The following PRELID2 variants were observed in gnomAD, a reference collection of about 807,000 sequenced individuals.
PRELID2 encodes the protein PRELI domain containing 2.
Under a neutral mutation model 28.4 loss-of-function variants are expected in PRELID2, and 25 were observed. The observed-to-expected ratio is 0.88, with a 90% CI of 0.64 to 1.23. The LOEUF (loss-of-function observed/expected upper bound fraction) is 1.23. Ranked by LOEUF, PRELID2 falls within the 50% of genes most tolerant of loss-of-function variation. PRELID2 has a pLI of 0.00. For missense variants in PRELID2, 201 were observed against 214.4 expected (o/e 0.94, Z 0.39); for synonymous variants, 76 against 71.6 (o/e 1.06, Z -0.31).
intron 1 of PRELID2, among the ~76,000 whole-genome samples, chr5:145,657,071 G>T (rs1754408570): frequency 6.6e-6 from 1 of 151,984 alleles, no homozygotes; most frequent in Admixed American, 6.6e-5. Context: ...ATAATTTGTA[G>T]AAATAAGAAA....
intron 1 of PRELID2, among the ~76,000 whole-genome samples, chr5:145,514,779 A>G (rs1329480326): frequency 6.6e-6 from 1 of 151,428 alleles, no homozygotes; most frequent in East Asian, 1.9e-4. Flanking sequence ...GCAAAAAAAA[A>G]GAAAGAAAAG....
rs35401852 is a variant in PRELID2, at chr5:145,604,882, C to CATATATATATATATATATAT, written n.71-131587_71-131568dup. On this transcript the variant is annotated intron_variant and non_coding_transcript_variant, in intron 1 of 2. Transcript: ENST00000510259. ...ACCATATTTTAATATGCTTGTTGGCCATATATATATATATATATATATTCT... is the reference window on the plus strand; with the variant it reads ...ACCATATTTTAATATGCTTGTTGGCCATATATATATATATATATATATATATATATATATATATATATTCT... Among the ~76,000 whole-genome samples, 336 of 115,994 alleles carry CATATATATATATATATATAT rather than the reference C, an allele frequency of 2.9e-3. 7 individuals carry two copies. Among genetic ancestry groups the CATATATATATATATATATAT allele is most frequent in the African/African-American group, 8.8e-3 (232 of 26,228 alleles). The allele number at this position is 115,994 out of a possible 152,430, so 76.1% of individuals were successfully genotyped here. A position where few individuals can be genotyped will look rare whatever the true frequency, so the allele number is the denominator to read the frequency against.
chr5:145,377,774 C>T, the PRELID2 span, among the ~76,000 whole-genome samples: 1 of 152,128 alleles, frequency 6.6e-6, no homozygotes, highest in Non-Finnish European at 1.5e-5. Context: ...CTCTTGAAAG[C>T]AGCATACCAA....
At chr5:145,363,770 G>A in the PRELID2 span, among the ~76,000 whole-genome samples, 1 of 152,066 alleles carries the variant, frequency 6.6e-6, no homozygotes. Context: ...TTTGCCTTGA[G>A]TAGAAATTTG....
intron 1 of PRELID2, among the ~76,000 whole-genome samples, chr5:145,684,582 T>C (rs1465725687): frequency 6.6e-6 from 1 of 152,254 alleles, no homozygotes; most frequent in Non-Finnish European, 1.5e-5. Flanking sequence ...TGTTCTGTTA[T>C]TATTTCACAG....
At chr5:145,727,503 C>G (rs1581104932) in intron 1 of PRELID2, among the ~76,000 whole-genome samples, 1 of 152,274 alleles carries the variant, frequency 6.6e-6, no homozygotes, top group South Asian at 2.1e-4. Context: ...AACATGCCCC[C>G]CTTTTCTTTT....
At chr5:145,814,854 G>C (rs1754191116) in intron 4 of PRELID2, among the ~76,000 whole-genome samples, 1 of 152,170 alleles carries the variant, frequency 6.6e-6, no homozygotes, top group Non-Finnish European at 1.5e-5. Flanking sequence ...ACTGGCAAAA[G>C]TTAAAAAGCA....
At chr5:145,403,083 A>G in the PRELID2 span, among the ~76,000 whole-genome samples, 883 of 152,306 alleles carry the variant, frequency 5.8e-3, 4 homozygotes, top group Middle Eastern at 0.024. Flanking sequence ...TTCCCTTAGA[A>G]GGTAGAGCTT....
chr5:145,709,363 G>A (rs1204462894), intron 1 of PRELID2, among the ~76,000 whole-genome samples: 5 of 152,166 alleles, frequency 3.3e-5, no homozygotes, highest in African/African-American at 1.2e-4. Context: ...GGAAACCAAG[G>A]AATAGTTTTC....
intron 1 of PRELID2, among the ~76,000 whole-genome samples, chr5:145,735,080 A>G (rs1756456381): frequency 2.0e-5 from 1 of 50,946 alleles, no homozygotes; most frequent in Non-Finnish European, 5.4e-5. Flanking sequence ...CCCCATCTCT[A>G]CTAAAAATAC....
At chr5:145,635,776 G>A (rs934997045) in intron 1 of PRELID2, among the ~76,000 whole-genome samples, 11 of 152,186 alleles carry the variant, frequency 7.2e-5, no homozygotes, top group Middle Eastern at 3.4e-3. Flanking sequence ...CAAACCTTTC[G>A]CCTACTCTGT....
At chr5:145,684,488 C>G (rs1209297897) in intron 1 of PRELID2, among the ~76,000 whole-genome samples, 1 of 152,186 alleles carries the variant, frequency 6.6e-6, no homozygotes, top group Non-Finnish European at 1.5e-5. Context: ...TTCCTTGTTC[C>G]TCTCTTTGGT....
rs148461437 is a variant in PRELID2, at chr5:145,591,310, A to C, written n.71-117995T>G. Among the ~76,000 whole-genome samples, 213 of 152,198 alleles carry C rather than the reference A, an allele frequency of 1.4e-3. 1 individual carries two copies. The East Asian group carries it at 0.032, about 23-fold the overall frequency. On this transcript the variant is annotated intron_variant and non_coding_transcript_variant, in intron 1 of 2. Transcript: ENST00000510259. ...GACTGTGTCTCAAAAAAAAAAAAAA[A>C]ATTGAGACCCACATTGATTTGGCCA...
intron 1 of PRELID2, among the ~76,000 whole-genome samples, chr5:145,610,789 A>C (rs1258494242): frequency 6.6e-6 from 1 of 152,146 alleles, no homozygotes; most frequent in Non-Finnish European, 1.5e-5. Flanking sequence ...GAATAGAAGG[A>C]TCTTGTTTAA....
intron 1 of PRELID2, among the ~76,000 whole-genome samples, chr5:145,534,019 T>C (rs1429409753): frequency 6.6e-6 from 1 of 152,060 alleles, no homozygotes; most frequent in East Asian, 1.9e-4. Flanking sequence ...GGAGATTCTA[T>C]ATTAGATAGG....
intron 1 of PRELID2, among the ~76,000 whole-genome samples, chr5:145,663,410 C>A (rs1293460413): frequency 6.6e-6 from 1 of 152,074 alleles, no homozygotes; most frequent in African/African-American, 2.4e-5. Flanking sequence ...GAAACAGTAA[C>A]TTCATATTAC....
rs534498545 is a variant in PRELID2, at chr5:145,550,174, C to A, written n.71-76859G>T. On this transcript the variant is annotated intron_variant and non_coding_transcript_variant, in intron 1 of 2. Transcript: ENST00000510259. ...GAAAGAAGGAGGGGATGAGAATGAA[C>A]CCTGTGGTATGAACTAGACCTAGAG... 2.6e-5 allele frequency among the ~76,000 whole-genome samples: 4 copies of A among 152,274 alleles called. No homozygotes were observed. In the East Asian group the frequency reaches 7.7e-4, roughly 29 times the overall value.
chr5:145,233,058 C>T, the PRELID2 span, among the ~76,000 whole-genome samples: 1 of 151,452 alleles, frequency 6.6e-6, no homozygotes, highest in Non-Finnish European at 1.5e-5. Context: ...GAAATAACTA[C>T]CATTTGTTAT....
the PRELID2 span, among the ~76,000 whole-genome samples, chr5:145,257,898 T>C: frequency 1.3e-5 from 2 of 152,092 alleles, no homozygotes; most frequent in African/African-American, 2.4e-5. Context: ...GATTGGACCA[T>C]GGTGGGGGAT....
Sources: gnomAD v4.1 joint callset for allele counts (sites outside exome capture counted in the v4.1 genomes callset) on GRCh38, gnomAD v4.1.1 for gene constraint, MANE v1.5 for transcripts, NCBI Gene and HGNC (gene_info 2026-07-23, HGNC 2026-07-21) for gene names.